Variants in DMXL1 observed in about 807,000 individuals in gnomAD.
DMXL1 encodes the protein dmX-like protein 1.
Under a neutral mutation model 319.2 loss-of-function variants are expected in DMXL1, and 99 were observed. The observed-to-expected ratio is 0.31, with a 90% CI of 0.26 to 0.37. DMXL1 has a LOEUF of 0.37. DMXL1 is among the 10% of genes least tolerant of loss of function. DMXL1 has a pLI of 1.00. For synonymous variants in DMXL1, 1,385 were observed against 1,235.2 expected (o/e 1.12, Z -2.54); for missense variants, 3,745 against 3,595.6 (o/e 1.04, Z -1.06).
Position 119,133,189 on chromosome 5 carries a change from G to A in DMXL1, c.1373G>A (p.Cys458Tyr), listed in dbSNP as rs752919532. Residue 458 changes from cysteine to tyrosine, a missense_variant, in exon 11 of 44, where the codon TGT (cysteine) becomes TAT (tyrosine). Transcript: ENST00000539542. ...AATCCCGAAAAGAAGGAATTAGGCT[G>A]TGATAAAATGGTACCAAACTCAAGT... ...KINPEKKELG[C>Y]DKMVPNSSFT... is the part of the protein sequence containing the mutation. The A allele has an allele frequency of 1.9e-6, 3 of 1,614,048 alleles. No individual in the cohort carries two copies. The highest frequency in any genetic ancestry group is 2.2e-5 in the East Asian group (1 of 44,884).
intron 1 of DMXL1, among the ~76,000 whole-genome samples, chr5:119,090,422 T>G (rs1158554052): frequency 6.6e-6 from 1 of 152,158 alleles, no homozygotes; most frequent in Non-Finnish European, 1.5e-5. Flanking sequence ...AGTTTTCTGT[T>G]ACTTCTTTGG....
intron 28 of DMXL1, chr5:119,178,695 T>C (rs1776272590): frequency 2.0e-6 from 2 of 978,386 alleles, no homozygotes; most frequent in South Asian, 9.5e-5. Context: ...GCAGGCAAGA[T>C]ATGAGCTTTA....
At chr5:119,197,687 G>A in intron 31 of DMXL1, 68 bp from the exon 32 acceptor site, 1 of 1,403,758 alleles carries the variant, frequency 7.1e-7, no homozygotes, top group Non-Finnish European at 1.0e-6. Flanking sequence ...TCTCATTTCA[G>A]TCTTTCTTAA....
rs185044579 is a variant in DMXL1 at position 119,093,615 on chromosome 5, A to T, written c.88-4364A>T. On this transcript the variant is annotated intron_variant, in intron 1 of 43. Coordinates refer to ENST00000539542, the MANE Select transcript of DMXL1 (RefSeq NM_001290321.3). The stretch of plus-strand genomic sequence containing the variant: ...TTTAAGTGTTCAGAAAGGAAGAGTT[A>T]CACATCTCTTTCTTTAAATCAAAAG... Among the ~76,000 whole-genome samples, 46 of 152,332 alleles carry T rather than the reference A, an allele frequency of 3.0e-4. No individual in the cohort carries two copies. The East Asian group carries it at 7.7e-3, about 26-fold the overall frequency.
intron 38 of DMXL1, among the ~76,000 whole-genome samples, chr5:119,225,332 G>A (rs1337073067): frequency 6.6e-6 from 1 of 151,878 alleles, no homozygotes; most frequent in Non-Finnish European, 1.5e-5. Context: ...ATCTTCCTAG[G>A]AATCTTAAAA....
At chr5:119,189,399 C>G (rs555744159) in intron 28 of DMXL1, among the ~76,000 whole-genome samples, 30 of 152,234 alleles carry the variant, frequency 2.0e-4, no homozygotes, top group African/African-American at 7.2e-4. Context: ...TGGAAATTTC[C>G]TATCGTGTTC....
intron 28 of DMXL1, among the ~76,000 whole-genome samples, chr5:119,187,151 T>A (rs143745712): frequency 5.8e-4 from 88 of 152,316 alleles, no homozygotes; most frequent in African/African-American, 2.0e-3. Context: ...TTATTCTGTT[T>A]TTCCTGTGAA....
intron 28 of DMXL1, among the ~76,000 whole-genome samples, chr5:119,187,708 G>C (rs1777988441): frequency 6.6e-6 from 1 of 152,120 alleles, no homozygotes; most frequent in Non-Finnish European, 1.5e-5. Context: ...TGTTGCCCAG[G>C]CTGGAGTGCA....
rs1453844761 is a variant in DMXL1, at chr5:119,149,011, A to G, written c.3184A>G (p.Lys1062Glu). 6.2e-7 allele frequency: 1 copy of G among 1,613,962 alleles called. No individual in the cohort carries two copies. ...TACAAATCGTTTAGCAGTAGCTTAT[A>G]AGCAGCCTGCATCTAATAGTAGATC... ...AHTNRLAVAY[K>E]QPASNSRSSQ... Residue 1062 changes from lysine (K) to glutamate (E), a missense_variant, in exon 18 of 44, where the codon AAG becomes GAG. Lys to Glu is a moderately conservative substitution (Grantham distance 56). This residue lies in a region of DMXL1 where 2,096 missense variants were observed against 1,985.4 expected (regional missense o/e 1.06). Transcript: ENST00000539542.
intron 34 of DMXL1, among the ~76,000 whole-genome samples, chr5:119,213,048 T>G (rs751593536): frequency 1.3e-5 from 2 of 152,200 alleles, no homozygotes; most frequent in African/African-American, 4.8e-5. Context: ...GCACAAACCC[T>G]GGAGCTTGCC....
chr5:119,189,239 G>A (rs1201816680), intron 28 of DMXL1, among the ~76,000 whole-genome samples: 1 of 152,064 alleles, frequency 6.6e-6, no homozygotes, highest in East Asian at 1.9e-4. Context: ...TAGTTATGGT[G>A]CCTGAATTTT....
At chr5:119,164,384 A>G (rs957479694) in intron 19 of DMXL1, 123 bp from the exon 20 acceptor site, 29 of 876,866 alleles carry the variant, frequency 3.3e-5, no homozygotes, top group Middle Eastern at 3.6e-4. Flanking sequence ...CATATTTCCA[A>G]TCTTAAACTG....
intron 1 of DMXL1, among the ~76,000 whole-genome samples, chr5:119,091,644 T>C (rs1377214252): frequency 6.6e-6 from 1 of 152,216 alleles, no homozygotes; most frequent in Non-Finnish European, 1.5e-5. Flanking sequence ...TGCCCCTTTT[T>C]AGGCTCCAGG....
intron 1 of DMXL1, among the ~76,000 whole-genome samples, chr5:119,073,070 T>C (rs540186523): frequency 1.3e-5 from 2 of 152,342 alleles, no homozygotes; most frequent in South Asian, 2.1e-4. Context: ...TTTTGCTTTT[T>C]AAAAACTTTT....
chr5:119,177,115 C>G (rs1404914792), intron 26 of DMXL1, among the ~76,000 whole-genome samples: 1 of 151,936 alleles, frequency 6.6e-6, no homozygotes, highest in Non-Finnish European at 1.5e-5. Flanking sequence ...TGGTACATAG[C>G]GATTTAGTTT....
Position 119,071,614 on chromosome 5 carries a change from C to A in DMXL1, c.45C>A (p.Asp15Glu). ...TGACCGGGGCTGTGAACCCTGGCGA[C>A]CACTGCTTCTCCGTGGGCAGCATTG... ...QVLTGAVNPG[D>E]HCFSVGSIGD... Residue 15 changes from aspartate to glutamate, a missense_variant, in exon 1 of 44, where the codon GAC (aspartate) becomes GAA (glutamate). Asp to Glu is a conservative substitution (Grantham distance 45). This residue lies in a region of DMXL1 where 2,096 missense variants were observed against 1,985.4 expected (regional missense o/e 1.06). Coordinates refer to ENST00000539542, the MANE Select transcript of DMXL1 (RefSeq NM_001290321.3). The A allele has an allele frequency of 6.2e-7, 1 of 1,604,902 alleles. No homozygotes were observed. Among genetic ancestry groups the A allele is most frequent in the Non-Finnish European group, 8.5e-7 (1 of 1,176,202 alleles).
chr5:119,194,619 T>G (rs1779287784), intron 30 of DMXL1, among the ~76,000 whole-genome samples: 1 of 152,248 alleles, frequency 6.6e-6, no homozygotes, highest in African/African-American at 2.4e-5. Context: ...AAGTCATTCT[T>G]TATTTGAAAG....
At chr5:119,179,573 T>C (rs1222663264) in intron 28 of DMXL1, among the ~76,000 whole-genome samples, 1 of 152,196 alleles carries the variant, frequency 6.6e-6, no homozygotes, top group Non-Finnish European at 1.5e-5. Context: ...ATGAATATTC[T>C]TTGAATGAAG....
intron 38 of DMXL1, among the ~76,000 whole-genome samples, chr5:119,226,965 C>T (rs1041567970): frequency 9.9e-5 from 15 of 152,282 alleles, no homozygotes; most frequent in Admixed American, 3.9e-4. Flanking sequence ...GTTCACCAGC[C>T]AAGAAGCTCA....
Sources: allele counts gnomAD v4.1 joint callset (sites outside exome capture counted in the v4.1 genomes callset), GRCh38; gene constraint gnomAD v4.1.1; regional missense constraint gnomAD v4.1.1; transcripts MANE v1.5; gene names NCBI Gene and HGNC (gene_info 2026-07-23, HGNC 2026-07-21).